The following SASS6 variants were observed in gnomAD, a reference collection of about 807,000 sequenced individuals.
SASS6 encodes the protein SAS-6 centriolar assembly protein.
SASS6 carries 59 observed loss-of-function variants against 94.9 expected under a neutral mutation model. The ratio of observed to expected loss-of-function variants is 0.62; its 90% CI spans 0.50 to 0.77. The LOEUF (loss-of-function observed/expected upper bound fraction) is 0.77, where lower values mean the gene tolerates loss of function less well. Ranked by LOEUF, SASS6 falls within the 30% of genes least tolerant of loss-of-function variation. The pLI, the probability that SASS6 is intolerant of heterozygous loss-of-function variation, is 0.00. For missense variants in SASS6, 698 were observed against 734.1 expected (o/e 0.95, Z 0.57); for synonymous variants, 264 against 270.0 (o/e 0.98, Z 0.22).
At chr1:100,100,682 A>C (rs1680278040) in intron 14 of SASS6, among the ~76,000 whole-genome samples, 1 of 152,252 alleles carries the variant, frequency 6.6e-6, no homozygotes, top group South Asian at 2.1e-4. Context: ...GAATGTATTC[A>C]ATCTTGACAG....
At chr1:100,103,303 T>C (rs890032046) in intron 13 of SASS6, among the ~76,000 whole-genome samples, 2 of 152,146 alleles carry the variant, frequency 1.3e-5, no homozygotes, top group Non-Finnish European at 2.9e-5. Flanking sequence ...GTGTGCAAGC[T>C]TGGATAAAAC....
At position 100,119,059 on chromosome 1, in the gene SASS6, G is replaced by A; in HGVS notation, c.628C>T (p.His210Tyr). Residue 210 changes from histidine (H) to tyrosine (Y), a missense_variant, in exon 7 of 17, where the codon CAT becomes TAT. Physicochemically the swap from His to Tyr is moderately conservative, Grantham distance 83. Coordinates refer to ENST00000287482, the MANE Select transcript of SASS6 (RefSeq NM_194292.3). ...TTTTCATTTGTCAGTTCCTGAGAAT[G>A]CTTGTTTGTCAAGGCTGCTGTATGT... ...ASHTAALTNKHSQELTNEKEK... is the reference protein window; with the variant it reads ...ASHTAALTNKYSQELTNEKEK... 6.3e-7 allele frequency: 1 copy of A among 1,590,182 alleles called. No homozygotes were observed. Among genetic ancestry groups the A allele is most frequent in the Admixed American group, 1.7e-5 (1 of 59,252 alleles).
At chr1:100,118,127 C>A (rs921331039) in intron 7 of SASS6, among the ~76,000 whole-genome samples, 2 of 152,028 alleles carry the variant, frequency 1.3e-5, no homozygotes, top group African/African-American at 4.8e-5. Flanking sequence ...ACCAGCCTGA[C>A]CGACATGGAG....
At chr1:100,101,948 C>T (rs1652524409) in intron 14 of SASS6, among the ~76,000 whole-genome samples, 1 of 152,070 alleles carries the variant, frequency 6.6e-6, no homozygotes, top group Non-Finnish European at 1.5e-5. Context: ...TTTCAAAGTC[C>T]TCAATTTTAT....
At chr1:100,127,312 A>G (rs1241985097) in intron 1 of SASS6, among the ~76,000 whole-genome samples, 1 of 152,244 alleles carries the variant, frequency 6.6e-6, no homozygotes, top group African/African-American at 2.4e-5. Flanking sequence ...CCTTTTCCAC[A>G]CTATTGCTTA....
rs765754188 is a variant in SASS6, at chr1:100,107,808, A to T, written c.1056+2T>A. The T allele has an allele frequency of 6.3e-7, 1 of 1,594,794 alleles. No individual in the cohort carries two copies. The highest frequency in any genetic ancestry group is 2.2e-5 in the East Asian group (1 of 44,688). On this transcript the variant is annotated splice_donor_variant, in intron 9 of 16. Coordinates refer to ENST00000287482, the MANE Select transcript of SASS6 (RefSeq NM_194292.3). LOFTEE classifies it high-confidence loss of function. ...ATTTCTGAGAAAAATTTAAAAGTAG[A>T]CCTTTTGTTCCTGGATTGTATCAAA...
At position 100,102,586 on chromosome 1, in the gene SASS6, C is replaced by T. The variant is rs11589839; in HGVS notation, c.1674+369G>A. Among the ~76,000 whole-genome samples the T allele has an allele frequency of 3.6e-3, 535 of 148,788 alleles. 5 individuals are homozygous for T. Among genetic ancestry groups the T allele is most frequent in the African/African-American group, 0.013 (508 of 40,158 alleles). On this transcript the variant is annotated intron_variant, in intron 14 of 16. Coordinates refer to ENST00000287482, the MANE Select transcript of SASS6 (RefSeq NM_194292.3). ...CCCAGCTACTCAGGAGGCTGAGGCA[C>T]GAGAATCACTGAACCCAGGAGGCAG...
Position 100,083,586 on chromosome 1 carries a change from G to GTT in SASS6, c.*1740_*1741dup, listed in dbSNP as rs879208389. 7.2e-5 allele frequency: 11 copies of GTT among 151,966 alleles called. No individual in the cohort carries two copies. The highest frequency in any genetic ancestry group is 7.2e-4 in the Admixed American group (11 of 15,252). 9.4% of individuals were successfully genotyped at this position (151,966 alleles called of 1,614,324 possible). A position where few individuals can be genotyped will look rare whatever the true frequency, so the allele number is the denominator to read the frequency against. On this transcript the variant is annotated 3_prime_UTR_variant, in exon 17 of 17. Coordinates refer to ENST00000287482, the MANE Select transcript of SASS6 (RefSeq NM_194292.3). Reference sequence around the variant, plus strand: ...TTCAAAGTGTAGATGCTGCATAATAGTTTATTAACAAAGCTCAAAGTTTAC... The same window carrying GTT: ...TTCAAAGTGTAGATGCTGCATAATAGTTTTTATTAACAAAGCTCAAAGTTTAC...
At chr1:100,131,476 A>G (rs911424919) in intron 1 of SASS6, among the ~76,000 whole-genome samples, 2 of 152,238 alleles carry the variant, frequency 1.3e-5, no homozygotes, top group Admixed American at 6.5e-5. Context: ...AACACATAAT[A>G]TAAAAATTGA....
At chr1:100,110,629 C>T (rs1203826976) in intron 7 of SASS6, 146 bp from the exon 8 acceptor site, 2 of 478,462 alleles carry the variant, frequency 4.2e-6, no homozygotes, top group Non-Finnish European at 7.1e-6. Context: ...CTTTAGATCC[C>T]CATTCTGAAA....
intron 5 of SASS6, 147 bp from the exon 6 acceptor site, chr1:100,120,606 G>A (rs2101684074): frequency 3.6e-6 from 2 of 557,510 alleles, no homozygotes; most frequent in Non-Finnish European, 6.3e-6. Context: ...ATTTTAACAA[G>A]ATCCCCAGAT....
chr1:100,126,682 T>G lies in SASS6; in HGVS notation c.66-740A>C, dbSNP rs115689542. 7.1e-3 allele frequency among the ~76,000 whole-genome samples: 1,083 copies of G among 151,920 alleles called. 11 individuals carry two copies. The highest frequency in any genetic ancestry group is 0.025 in the African/African-American group (1,050 of 41,394). On this transcript the variant is annotated intron_variant, in intron 1 of 16. Coordinates refer to ENST00000287482, the MANE Select transcript of SASS6 (RefSeq NM_194292.3). The stretch of plus-strand genomic sequence containing the variant: ...GTCCCAGCTATTTGGGAGGCTGAGG[T>G]TGGAGAAATGCGGAACCTGGTAGGC...
intron 7 of SASS6, among the ~76,000 whole-genome samples, chr1:100,114,518 TA>T (rs534872360): frequency 1.4e-4 from 20 of 144,096 alleles, no homozygotes; most frequent in Admixed American, 2.8e-4. Flanking sequence ...ACTCCATCTC[TA>T]AAAAAAAAAT....
intron 7 of SASS6, among the ~76,000 whole-genome samples, chr1:100,118,192 G>A (rs1204288237): frequency 6.6e-6 from 1 of 152,102 alleles, no homozygotes; most frequent in African/African-American, 2.4e-5. Flanking sequence ...GCACATGCCT[G>A]TAATCCCAGC....
intron 14 of SASS6, among the ~76,000 whole-genome samples, chr1:100,090,925 C>T (rs528743992): frequency 1.4e-4 from 21 of 152,176 alleles, no homozygotes; most frequent in African/African-American, 3.6e-4. Context: ...CTTTGGGAAC[C>T]GAACTATGGG....
At chr1:100,124,821 A>T (rs1410264873) in intron 2 of SASS6, among the ~76,000 whole-genome samples, 1 of 152,234 alleles carries the variant, frequency 6.6e-6, no homozygotes, top group Non-Finnish European at 1.5e-5. Context: ...CAGATCAGCC[A>T]TTAGATTCTC....
chr1:100,094,866 C>CA (rs555045794), intron 14 of SASS6, among the ~76,000 whole-genome samples: 3,300 of 94,904 alleles, frequency 0.035, 108 homozygotes, highest in African/African-American at 0.1. Context: ...ACTCTGTCTC[C>CA]AAAAAAAAAA....
chr1:100,104,120 C>T (rs1302706799), intron 13 of SASS6, among the ~76,000 whole-genome samples: 6 of 152,160 alleles, frequency 3.9e-5, no homozygotes, highest in African/African-American at 1.4e-4. Context: ...TAAATCCTAT[C>T]TAATAAAGCA....
At chr1:100,095,569 C>T (rs1056239840) in intron 14 of SASS6, among the ~76,000 whole-genome samples, 8 of 152,120 alleles carry the variant, frequency 5.3e-5, no homozygotes, top group African/African-American at 1.9e-4. Context: ...ACTATCGGTT[C>T]TAGCCATTAC....
Sources: gnomAD v4.1 joint callset for allele counts (sites outside exome capture counted in the v4.1 genomes callset) on GRCh38, gnomAD v4.1.1 for gene constraint, MANE v1.5 for transcripts, NCBI Gene and HGNC (gene_info 2026-07-23, HGNC 2026-07-21) for gene names.